ADGRB1: variants seen among roughly 807,000 people sequenced by gnomAD.
ADGRB1 encodes the protein adhesion G protein-coupled receptor B1, also known as brain-specific angiogenesis inhibitor 1.
Under a neutral mutation model 175.7 loss-of-function variants are expected in ADGRB1, and 36 were observed. That is an observed-to-expected ratio of 0.20 (90% CI 0.16 to 0.27). The LOEUF (loss-of-function observed/expected upper bound fraction) is 0.27, where lower values mean the gene tolerates loss of function less well. ADGRB1 is among the 10% of genes least tolerant of loss of function. The pLI is 1.00. For synonymous variants in ADGRB1, 1,054 were observed against 979.4 expected (o/e 1.08, Z -1.42); for missense variants, 1,731 against 2,255.3 (o/e 0.77, Z 4.71).
At chr8:142,530,232 G>C (rs575005921) in intron 24 of ADGRB1, among the ~76,000 whole-genome samples, 6 of 148,290 alleles carry the variant, frequency 4.0e-5, no homozygotes, top group Admixed American at 4.0e-4. Context: ...GTGTGAATGC[G>C]TGTGTGTGTG....
rs977832624 is a variant in ADGRB1 at position 142,478,046 on chromosome 8, G to C, written c.1388-141G>C. 4 of 1,143,280 alleles carry C rather than the reference G, an allele frequency of 3.5e-6. No individual in the cohort carries two copies. In the East Asian group the frequency reaches 1.0e-4, roughly 29 times the overall value. The allele number at this position is 1,143,280 out of a possible 1,614,324, so 70.8% of individuals were successfully genotyped here. On this transcript the variant is annotated intron_variant, in intron 6 of 30. Coordinates refer to ENST00000517894, the MANE Select transcript of ADGRB1 (RefSeq NM_001702.3). ...CACCCATGTCACAGGCTGGCCGTGG[G>C]TGGTGGCCCCCAGGGTGTTCTCATC...
chr8:142,524,870 C>T (rs1316675335), intron 23 of ADGRB1, among the ~76,000 whole-genome samples: 1 of 152,016 alleles, frequency 6.6e-6, no homozygotes, highest in African/African-American at 2.4e-5. Flanking sequence ...AGATGAGCTG[C>T]GGCAGCCTGG....
intron 24 of ADGRB1, among the ~76,000 whole-genome samples, chr8:142,530,051 C>G (rs1275702368): frequency 3.3e-5 from 5 of 151,472 alleles, no homozygotes; most frequent in African/African-American, 9.7e-5. Context: ...TGAGTGCAAC[C>G]TGGTGTATAT....
rs1205358099 is a variant in ADGRB1, at chr8:142,464,183, G to C, written c.-16G>C. The C allele has an allele frequency of 1.6e-6, 2 of 1,256,744 alleles. No homozygotes were observed. The highest frequency in any genetic ancestry group is 3.1e-5 in the African/African-American group (2 of 63,900). The allele number at this position is 1,256,744 out of a possible 1,614,324, so 77.8% of individuals were successfully genotyped here. On this transcript the variant is annotated 5_prime_UTR_variant, in exon 2 of 31. Transcript: ENST00000517894. ...CCTGCCCAGCCCGCGGAACCCCGGC[G>C]GCCCCGCGAGCTAGGATGAGGGGCC...
At chr8:142,485,710 C>A (rs1056983267) in intron 13 of ADGRB1, among the ~76,000 whole-genome samples, 6 of 152,214 alleles carry the variant, frequency 3.9e-5, no homozygotes, top group Admixed American at 6.5e-5. Flanking sequence ...GAGCACTCGG[C>A]ACAGCCCACA....
At chr8:142,514,834 G>A (rs1446388115) in intron 18 of ADGRB1, among the ~76,000 whole-genome samples, 1 of 152,118 alleles carries the variant, frequency 6.6e-6, no homozygotes, top group Non-Finnish European at 1.5e-5. Context: ...GGGGCTCGGG[G>A]TATAATCTGG....
At chr8:142,488,884 G>A (rs2131872512) in intron 14 of ADGRB1, 151 bp from the exon 15 acceptor site, 1 of 958,374 alleles carries the variant, frequency 1.0e-6, no homozygotes, top group Non-Finnish European at 1.6e-6. Context: ...TGTGTCCGTG[G>A]GTGGGTGGGC....
At chr8:142,515,727 AG>A (rs1288413079) in intron 18 of ADGRB1, among the ~76,000 whole-genome samples, 2 of 151,550 alleles carry the variant, frequency 1.3e-5, no homozygotes, top group Non-Finnish European at 2.9e-5. Context: ...CCAGGCTGGG[AG>A]GGATCGGGGG....
Position 142,464,074 on chromosome 8 carries a change from C to CA in ADGRB1, c.-124dup. 1.7e-6 allele frequency: 1 copy of CA among 595,570 alleles called. No homozygotes were observed. The highest frequency in any genetic ancestry group is 2.2e-6 in the Non-Finnish European group (1 of 444,462). The allele number at this position is 595,570 out of a possible 1,614,324, so 36.9% of individuals were successfully genotyped here. A position where few individuals can be genotyped will look rare whatever the true frequency, so the allele number is the denominator to read the frequency against. ...CCTGAAGCGGGGCCCTCTCCCATCC[C>CA]ACCCTTGCCCCGCCTCCCTGCCCCC... On this transcript the variant is annotated 5_prime_UTR_variant, in exon 2 of 31. Transcript: ENST00000517894.
At chr8:142,502,512 A>G (rs1183009389) in intron 17 of ADGRB1, among the ~76,000 whole-genome samples, 1 of 128,988 alleles carries the variant, frequency 7.8e-6, no homozygotes, top group African/African-American at 2.9e-5. Context: ...GGGTGGCGTT[A>G]GTGATGGTTG....
At position 142,518,134 on chromosome 8, in the gene ADGRB1, A is replaced by G; in HGVS notation, c.2818-4A>G. The G allele has an allele frequency of 2.5e-6, 4 of 1,613,448 alleles. No homozygotes were observed. Among genetic ancestry groups the G allele is most frequent in the Non-Finnish European group, 2.5e-6 (3 of 1,179,730 alleles). ...TCCCTGCGGTCTCTTCCCGGTCCCC[A>G]CAGAACATGGAGAAGGCGACTCTGC... On this transcript the variant is annotated splice_region_variant and splice_polypyrimidine_tract_variant and intron_variant, in intron 18 of 30. Coordinates refer to ENST00000517894, the MANE Select transcript of ADGRB1 (RefSeq NM_001702.3).
At chr8:142,486,875 A>C (rs1218640761) in intron 13 of ADGRB1, among the ~76,000 whole-genome samples, 1 of 151,790 alleles carries the variant, frequency 6.6e-6, no homozygotes, top group African/African-American at 2.4e-5. Flanking sequence ...TAAAAAAATT[A>C]GCCAGGCATG....
intron 18 of ADGRB1, among the ~76,000 whole-genome samples, chr8:142,517,811 TG>T (rs983833525): frequency 1.3e-5 from 2 of 152,100 alleles, no homozygotes; most frequent in Non-Finnish European, 2.9e-5. Context: ...GTCTGCAGTG[TG>T]GGGCTGGCGC....
At chr8:142,495,157 G>A (rs1842154536) in intron 17 of ADGRB1, among the ~76,000 whole-genome samples, 2 of 152,184 alleles carry the variant, frequency 1.3e-5, no homozygotes, top group African/African-American at 2.4e-5. Context: ...GTGGACAAGC[G>A]GGGGTGTGGA....
chr8:142,469,572 C>CATGTGTGTGA (rs1563685086), intron 2 of ADGRB1, among the ~76,000 whole-genome samples: 112 of 128,428 alleles, frequency 8.7e-4, no homozygotes, highest in African/African-American at 3.6e-3. Flanking sequence ...AATGTGTGTG[C>CATGTGTGTGA]ATGTGTGCAT....
At chr8:142,481,926 G>A (rs1291928873) in intron 11 of ADGRB1, among the ~76,000 whole-genome samples, 3 of 147,928 alleles carry the variant, frequency 2.0e-5, no homozygotes, top group Non-Finnish European at 3.0e-5. Context: ...GCTGAGCCCT[G>A]ACCCTGGTCA....
At chr8:142,488,645 C>T in intron 14 of ADGRB1, 138 bp downstream of exon 14, 2 of 1,203,204 alleles carry the variant, frequency 1.7e-6, no homozygotes, top group Non-Finnish European at 2.3e-6. Context: ...CCAGGAAGCC[C>T]TCCTTGCCCT....
At chr8:142,516,834 G>A (rs150236054) in intron 18 of ADGRB1, among the ~76,000 whole-genome samples, 1 of 152,176 alleles carries the variant, frequency 6.6e-6, no homozygotes, top group Non-Finnish European at 1.5e-5. Context: ...TTATGACTCA[G>A]GTGATGGGTT....
chr8:142,500,989 T>C (rs1327148076), intron 17 of ADGRB1, among the ~76,000 whole-genome samples: 1 of 152,078 alleles, frequency 6.6e-6, no homozygotes, highest in Admixed American at 6.6e-5. Context: ...CTGGTTCTGC[T>C]TGCACTGCGC....
Sources: gnomAD v4.1 joint callset for allele counts (sites outside exome capture counted in the v4.1 genomes callset) on GRCh38, gnomAD v4.1.1 for gene constraint, MANE v1.5 for transcripts, NCBI Gene and HGNC (gene_info 2026-07-23, HGNC 2026-07-21) for gene names.